SHANK2: variants seen among roughly 807,000 people sequenced by gnomAD.
SHANK2 encodes SH3 and multiple ankyrin repeat domains protein 2.
A neutral mutation model predicts 133.7 loss-of-function variants in SHANK2; 43 were observed. The ratio of observed to expected loss-of-function variants is 0.32; its 90% CI spans 0.25 to 0.41. The LOEUF (loss-of-function observed/expected upper bound fraction) is 0.41, where lower values mean the gene tolerates loss of function less well. Among genes scored for constraint, SHANK2 ranks in the 10% least tolerant of loss-of-function variants. The pLI, the probability that SHANK2 is intolerant of heterozygous loss-of-function variation, is 1.00. For synonymous variants in SHANK2, 1,017 were observed against 952.8 expected, an observed-to-expected ratio of 1.07 and a Z score of -1.24; for missense variants, 1,994 against 2,235.8, an observed-to-expected ratio of 0.89 and a Z score of 2.18.
chr11:70,703,092 C>T (rs746151611), intron 14 of SHANK2, among the ~76,000 whole-genome samples: 3 of 152,216 alleles, frequency 2.0e-5, no homozygotes, highest in Admixed American at 1.3e-4. Context: ...TGTGGGCCTC[C>T]GACCTCAGAT....
intron 10 of SHANK2, among the ~76,000 whole-genome samples, chr11:70,909,455 C>A (rs1253084571): frequency 6.6e-6 from 1 of 152,154 alleles, no homozygotes; most frequent in Non-Finnish European, 1.5e-5. Flanking sequence ...ATAATGATAA[C>A]TACCCATGTT....
At chr11:70,699,331 C>A (rs1379717504) in intron 14 of SHANK2, among the ~76,000 whole-genome samples, 1 of 150,866 alleles carries the variant, frequency 6.6e-6, no homozygotes, top group South Asian at 2.1e-4. Context: ...CAGATTGAGA[C>A]ATAAATTTCA....
At chr11:70,851,274 A>G (rs1949083218) in intron 11 of SHANK2, among the ~76,000 whole-genome samples, 2 of 152,162 alleles carry the variant, frequency 1.3e-5, no homozygotes, top group Non-Finnish European at 1.5e-5. Flanking sequence ...ATTGTCCCCC[A>G]CTTCCTGTTC....
intron 16 of SHANK2, among the ~76,000 whole-genome samples, chr11:70,660,928 G>A (rs975225946): frequency 1.3e-5 from 2 of 152,256 alleles, no homozygotes; most frequent in African/African-American, 4.8e-5. Context: ...CTCTCATGGG[G>A]AGGTGATGCC....
chr11:70,520,867 T>TTGGCCTCTGGGAGCTCCC (rs1230540097), intron 17 of SHANK2, among the ~76,000 whole-genome samples: 13 of 152,366 alleles, frequency 8.5e-5, no homozygotes, highest in African/African-American at 3.1e-4. Context: ...TGGGAGCTCC[T>TTGGCCTCTGGGAGCTCCC]TGGCCTCTGG....
At chr11:70,715,531 A>C (rs1324783680) in intron 14 of SHANK2, among the ~76,000 whole-genome samples, 3 of 152,240 alleles carry the variant, frequency 2.0e-5, no homozygotes, top group Middle Eastern at 6.8e-3. Context: ...ACCCTCCCAA[A>C]TTGGCTGGAC....
intron 5 of SHANK2, among the ~76,000 whole-genome samples, chr11:71,111,134 T>G (rs1199170894): frequency 6.6e-6 from 1 of 152,210 alleles, no homozygotes; most frequent in East Asian, 1.9e-4. Flanking sequence ...CCAAGGTATT[T>G]TGTAAAAGCA....
At chr11:70,575,923 C>G (rs2060110187) in intron 17 of SHANK2, among the ~76,000 whole-genome samples, 1 of 151,908 alleles carries the variant, frequency 6.6e-6, no homozygotes, top group South Asian at 2.1e-4. Flanking sequence ...ATCCCCTGGG[C>G]CGTGCTGCAG....
rs71467419 is a variant in SHANK2, at chr11:70,770,915, CTTTTTTTTTTT to C, written c.1777+27517_1777+27527del. On this transcript the variant is annotated intron_variant, in intron 14 of 25. Coordinates refer to ENST00000601538, the MANE Select transcript of SHANK2 (RefSeq NM_012309.5). ...TCTCTCCTTCCCTCCCTCTTACTTC[CTTTTTTTTTTT>C]TTTTTTTTTTTTTTTTTTGACAGGG... is the stretch of plus-strand genomic sequence containing the variant. Among the ~76,000 whole-genome samples the C allele has an allele frequency of 7.1e-3, 659 of 92,826 alleles. 4 individuals are homozygous for C. Among genetic ancestry groups the C allele is most frequent in the African/African-American group, 0.028 (582 of 20,806 alleles). The allele number at this position is 92,826 out of a possible 152,430, so 60.9% of individuals were successfully genotyped here.
chr11:70,489,102 T>A, intron 24 of SHANK2: 1 of 555,924 alleles, frequency 1.8e-6, no homozygotes, highest in East Asian at 3.0e-5. Context: ...TTTATTCCAA[T>A]GAAAACTTCC....
At chr11:70,744,878 T>C (rs1286825519) in intron 14 of SHANK2, among the ~76,000 whole-genome samples, 2 of 152,164 alleles carry the variant, frequency 1.3e-5, no homozygotes, top group African/African-American at 4.8e-5. Context: ...AAGCACTGTC[T>C]TGCTCCCCAC....
In SHANK2 at chr11:70,486,806, C is replaced by T. The variant is rs781837624; in HGVS notation, c.3487G>A (p.Ala1163Thr). 2 of 1,612,332 alleles carry T rather than the reference C, an allele frequency of 1.2e-6. No homozygotes were observed. The highest frequency in any genetic ancestry group is 2.2e-5 in the East Asian group (1 of 44,862). The change falls in exon 25 of 26, where the codon GCC becomes ACC. Residue 1163 changes from alanine to threonine, a missense_variant. Ala to Thr is a moderately conservative substitution (Grantham distance 58). This residue lies in a region of SHANK2 where 797 missense variants were observed against 907.4 expected (regional missense o/e 0.88). Transcript: ENST00000601538. The surrounding 1 kb of genome is among the most constrained non-coding windows in gnomAD (Gnocchi z 8.0). ...PENHFVGGAE[A>T]SAPGEAGRPL... is the part of the protein sequence containing the mutation. Reference sequence around the variant, plus strand: ...CTCCCAGCCTCACCCGGAGCACTGGCCTCGGCGCCACCCACGAAATGGTTT... The same window carrying T: ...CTCCCAGCCTCACCCGGAGCACTGGTCTCGGCGCCACCCACGAAATGGTTT...
At chr11:71,105,458 T>C in intron 6 of SHANK2, among the ~76,000 whole-genome samples, 1 of 151,642 alleles carries the variant, frequency 6.6e-6, no homozygotes, top group Non-Finnish European at 1.5e-5. Flanking sequence ...TTGGGCGTGG[T>C]GGTGCACGTC....
intron 11 of SHANK2, among the ~76,000 whole-genome samples, chr11:70,886,701 A>ACAAT (rs1306997830): frequency 3.2e-3 from 6 of 1,868 alleles, no homozygotes; most frequent in Admixed American, 0.045. Context: ...ACACAATCAC[A>ACAAT]CACACACACA....
chr11:70,574,762 T>G (rs1252347876), intron 17 of SHANK2, among the ~76,000 whole-genome samples: 1 of 152,118 alleles, frequency 6.6e-6, no homozygotes, highest in African/African-American at 2.4e-5. Flanking sequence ...GTCTATGAAC[T>G]GGGGGATTAG....
intron 15 of SHANK2, among the ~76,000 whole-genome samples, chr11:70,678,513 C>G (rs1193103104): frequency 6.7e-6 from 1 of 148,416 alleles, no homozygotes; most frequent in Non-Finnish European, 1.5e-5. Context: ...CTGCTCATTT[C>G]CAGTCTGCTA....
At position 70,485,324 on chromosome 11, in the gene SHANK2, G is replaced by C. The variant is rs368631910; in HGVS notation, c.4969C>G (p.Leu1657Val). ...CAACCGCGGACTTACCTTGGAGCGA[G>C]GCTGGCGGACTTGGCTCCCATTGGT... ...DSPMGAKSAS[L>V]APRSPEIMST... Residue 1657 changes from leucine to valine, a missense_variant, in exon 25 of 26, where the codon CTC (leucine) becomes GTC (valine). By Grantham distance (32) the Leu-to-Val change is conservative (BLOSUM62 1). Transcript: ENST00000601538. This position sits in a 1 kb window ranked among gnomAD's most constrained non-coding sequence, Gnocchi z 5.8. 1.9e-4 allele frequency: 307 copies of C among 1,613,688 alleles called. 1 individual carries two copies. Among genetic ancestry groups the C allele is most frequent in the Non-Finnish European group, 2.6e-4 (301 of 1,180,016 alleles).
chr11:70,661,922 C>T, intron 15 of SHANK2: 1 of 1,012,276 alleles, frequency 9.9e-7, no homozygotes, highest in African/African-American at 1.6e-5. Flanking sequence ...AGAGCCGGAG[C>T]CAGCCGGAGG....
At chr11:71,085,889 A>T (rs1951393861) in intron 8 of SHANK2, among the ~76,000 whole-genome samples, 2 of 174 alleles carry the variant, frequency 0.011, no homozygotes, top group Non-Finnish European at 0.021. Flanking sequence ...ATATAACCTT[A>T]ATATATATAT....
Sources: allele counts gnomAD v4.1 joint callset (sites outside exome capture counted in the v4.1 genomes callset), GRCh38; gene constraint gnomAD v4.1.1; regional missense constraint gnomAD v4.1.1; non-coding constraint Gnocchi (gnomAD v3.1); transcripts MANE v1.5; gene names NCBI Gene and HGNC (gene_info 2026-07-23, HGNC 2026-07-21).